The following DIS3L2 variants were observed in gnomAD, a reference collection of about 807,000 sequenced individuals.
DIS3L2 encodes the protein DIS3-like exonuclease 2.
In DIS3L2, 34 loss-of-function variants were observed where a neutral mutation model predicts 97.5. The ratio of observed to expected loss-of-function variants is 0.35; its 90% CI spans 0.27 to 0.46. The LOEUF (loss-of-function observed/expected upper bound fraction) is 0.46, where lower values mean the gene tolerates loss of function less well. Among genes scored for constraint, DIS3L2 ranks in the 20% least tolerant of loss-of-function variants. The pLI is 1.00. For synonymous variants in DIS3L2, 435 were observed against 445.2 expected, an observed-to-expected ratio of 0.98 and a Z score of 0.29; for missense variants, 1,038 against 1,146.0, an observed-to-expected ratio of 0.91 and a Z score of 1.36.
chr2:231,973,469 T>C (rs1169125017), intron 1 of DIS3L2, among the ~76,000 whole-genome samples: 1 of 152,180 alleles, frequency 6.6e-6, no homozygotes, highest in African/African-American at 2.4e-5. Flanking sequence ...AATAATACAT[T>C]TTCCCACTTC....
chr2:232,250,863 T>G (rs1693398317), intron 12 of DIS3L2, among the ~76,000 whole-genome samples: 1 of 152,218 alleles, frequency 6.6e-6, no homozygotes, highest in Non-Finnish European at 1.5e-5. Flanking sequence ...CTCTGAGGAC[T>G]CTGAATAGTG....
At chr2:232,140,690 G>T (rs930638395) in intron 8 of DIS3L2, among the ~76,000 whole-genome samples, 5 of 152,220 alleles carry the variant, frequency 3.3e-5, no homozygotes, top group African/African-American at 1.2e-4. Flanking sequence ...GTAGGACATG[G>T]AGCTTGGCCT....
At chr2:232,076,703 T>C (rs1696197567) in intron 5 of DIS3L2, among the ~76,000 whole-genome samples, 1 of 152,182 alleles carries the variant, frequency 6.6e-6, no homozygotes, top group Non-Finnish European at 1.5e-5. Flanking sequence ...TCTTTTATTA[T>C]ATCTTAGAAT....
chr2:232,187,379 A>G (rs1462756032), intron 9 of DIS3L2, among the ~76,000 whole-genome samples: 6 of 152,178 alleles, frequency 3.9e-5, no homozygotes, highest in Admixed American at 1.3e-4. Context: ...TAGAGTTACC[A>G]TATGACCTAG....
intron 14 of DIS3L2, among the ~76,000 whole-genome samples, chr2:232,326,784 G>A (rs1316206375): frequency 6.7e-6 from 1 of 149,806 alleles, no homozygotes; most frequent in Non-Finnish European, 1.5e-5. Flanking sequence ...AAGGGAAGCA[G>A]AGACTCAGCC....
At chr2:231,990,828 T>C (rs552672766) in intron 1 of DIS3L2, among the ~76,000 whole-genome samples, 1 of 152,332 alleles carries the variant, frequency 6.6e-6, no homozygotes, top group East Asian at 1.9e-4. Context: ...CCATTACCGA[T>C]GTCCTGTGTA....
intron 14 of DIS3L2, among the ~76,000 whole-genome samples, chr2:232,314,559 A>T (rs1292551487): frequency 6.6e-6 from 1 of 152,164 alleles, no homozygotes; most frequent in African/African-American, 2.4e-5. Flanking sequence ...TCCCTATGAG[A>T]CAGAAAATTC....
At chr2:232,308,295 C>T (rs538339085) in intron 14 of DIS3L2, among the ~76,000 whole-genome samples, 1 of 152,342 alleles carries the variant, frequency 6.6e-6, no homozygotes, top group East Asian at 1.9e-4. Flanking sequence ...GCCCTGCTGG[C>T]AGTTGTGCCT....
intron 13 of DIS3L2, among the ~76,000 whole-genome samples, chr2:232,270,131 T>C (rs780115326): frequency 3.9e-5 from 6 of 152,180 alleles, no homozygotes; most frequent in Admixed American, 6.5e-5. Flanking sequence ...GACACCACCG[T>C]GGTGGAGGTC....
intron 9 of DIS3L2, among the ~76,000 whole-genome samples, chr2:232,176,967 C>T (rs1233204062): frequency 2.1e-5 from 3 of 144,026 alleles, no homozygotes; most frequent in Non-Finnish European, 3.0e-5. Context: ...CCCACCTCCC[C>T]ACCACAGTCA....
intron 10 of DIS3L2, among the ~76,000 whole-genome samples, chr2:232,231,277 G>T (rs980356484): frequency 6.6e-6 from 1 of 152,182 alleles, no homozygotes; most frequent in Admixed American, 6.5e-5. Context: ...AATGAATGAA[G>T]ATGGTTATTA....
intron 5 of DIS3L2, among the ~76,000 whole-genome samples, chr2:232,059,239 T>C (rs1042688112): frequency 6.6e-6 from 1 of 152,218 alleles, no homozygotes; most frequent in Non-Finnish European, 1.5e-5. Flanking sequence ...AACTCATTTT[T>C]TATGCTTCTA....
At chr2:232,104,648 A>G (rs1238678178) in intron 6 of DIS3L2, among the ~76,000 whole-genome samples, 2 of 152,168 alleles carry the variant, frequency 1.3e-5, no homozygotes, top group Admixed American at 6.5e-5. Flanking sequence ...TAGAGATTTC[A>G]TATAAGTGGA....
chr2:232,312,744 C>A (rs1012602997), intron 14 of DIS3L2, among the ~76,000 whole-genome samples: 4 of 152,184 alleles, frequency 2.6e-5, no homozygotes, highest in African/African-American at 9.6e-5. Flanking sequence ...GTACCTCCCT[C>A]TATTTAGAGC....
chr2:232,343,472 C>A (rs1306399537), exon 14 of DIS3L2: 2 of 1,555,706 alleles, frequency 1.3e-6, no homozygotes, highest in Non-Finnish European at 1.7e-6. Context: ...GACAGGGATC[C>A]AGACACACGA....
intron 1 of DIS3L2, among the ~76,000 whole-genome samples, chr2:231,973,938 G>T (rs2106167791): frequency 6.6e-6 from 1 of 151,968 alleles, no homozygotes; most frequent in Admixed American, 6.6e-5. Flanking sequence ...TGTATGAGCT[G>T]GTTTTAATTA....
intron 1 of DIS3L2, among the ~76,000 whole-genome samples, chr2:231,965,219 T>C (rs1692676643): frequency 2.0e-5 from 3 of 152,240 alleles, no homozygotes; most frequent in Admixed American, 6.5e-5. Context: ...TCATTCATGC[T>C]CAAGAGTCTT....
intron 16 of DIS3L2, among the ~76,000 whole-genome samples, chr2:232,331,207 C>T (rs1695726758): frequency 6.6e-6 from 1 of 152,238 alleles, no homozygotes; most frequent in African/African-American, 2.4e-5. Flanking sequence ...TGGCCGGGGG[C>T]CTAGGCCTGG....
downstream of DIS3L2, among the ~76,000 whole-genome samples, chr2:232,340,249 C>G (rs564792819): frequency 6.6e-6 from 1 of 152,182 alleles, no homozygotes; most frequent in Non-Finnish European, 1.5e-5. Flanking sequence ...CCAGGCGTAG[C>G]TGACCTGAGA....
Sources: allele counts gnomAD v4.1 joint callset (sites outside exome capture counted in the v4.1 genomes callset), GRCh38; gene constraint gnomAD v4.1.1; transcripts MANE v1.5; gene names NCBI Gene and HGNC (gene_info 2026-07-23, HGNC 2026-07-21).